Variants in CAP2 observed in about 807,000 individuals in gnomAD.
The protein encoded by CAP2 is cyclase associated actin cytoskeleton regulatory protein 2.
CAP2 carries 24 observed loss-of-function variants against 57.7 expected under a neutral mutation model. The observed-to-expected ratio is 0.42, with a 90% CI of 0.30 to 0.58. CAP2 has a LOEUF of 0.58. Ranked by LOEUF, CAP2 falls within the 20% of genes least tolerant of loss-of-function variation. The pLI is 0.22. For synonymous variants in CAP2, 194 were observed against 207.2 expected (o/e 0.94, Z 0.55); for missense variants, 501 against 590.3 (o/e 0.85, Z 1.57).
intron 6 of CAP2, among the ~76,000 whole-genome samples, chr6:17,508,663 C>A (rs1275143978): frequency 2.0e-5 from 3 of 152,114 alleles, no homozygotes; most frequent in Non-Finnish European, 4.4e-5. Context: ...AATGCAGAGG[C>A]ACCTGGGGAC....
intron 9 of CAP2, among the ~76,000 whole-genome samples, chr6:17,542,105 C>A (rs1762917624): frequency 6.6e-6 from 1 of 152,134 alleles, no homozygotes; most frequent in Non-Finnish European, 1.5e-5. Context: ...CCCCCTGCAC[C>A]CCTCCCAGCC....
chr6:17,421,747 C>G (rs1581503655), intron 2 of CAP2, 71 bp downstream of exon 2: 4 of 1,552,978 alleles, frequency 2.6e-6, no homozygotes, highest in East Asian at 2.3e-5. Context: ...TAATTTCACT[C>G]TCAAGGAACA....
intron 7 of CAP2, among the ~76,000 whole-genome samples, chr6:17,532,890 C>A (rs1762680684): frequency 6.6e-6 from 1 of 151,154 alleles, no homozygotes; most frequent in African/African-American, 2.4e-5. Flanking sequence ...ATGGAGAAAC[C>A]CTGTCTCTAC....
chr6:17,408,785 C>T (rs1179773640), intron 1 of CAP2, among the ~76,000 whole-genome samples: 11 of 151,144 alleles, frequency 7.3e-5, no homozygotes, highest in African/African-American at 2.2e-4. Flanking sequence ...CTCAGCCTCC[C>T]GAGTAGCTCG....
At chr6:17,452,379 G>A (rs1338020398) in intron 3 of CAP2, among the ~76,000 whole-genome samples, 1 of 152,162 alleles carries the variant, frequency 6.6e-6, no homozygotes, top group Non-Finnish European at 1.5e-5. Flanking sequence ...TTTGTCGATG[G>A]CACTTCTGGC....
At chr6:17,517,089 G>A (rs997226774) in intron 7 of CAP2, among the ~76,000 whole-genome samples, 1 of 152,212 alleles carries the variant, frequency 6.6e-6, no homozygotes, top group African/African-American at 2.4e-5. Flanking sequence ...CAATGAGATA[G>A]TGTTTTGTTG....
chr6:17,424,168 C>A (rs1008469790), intron 2 of CAP2, among the ~76,000 whole-genome samples: 2 of 151,922 alleles, frequency 1.3e-5, no homozygotes, highest in South Asian at 4.2e-4. Context: ...TGGGAGGCCG[C>A]GGCGAGCCGA....
chr6:17,427,425 A>G (rs1483365245), intron 3 of CAP2, among the ~76,000 whole-genome samples: 5 of 152,056 alleles, frequency 3.3e-5, no homozygotes, highest in African/African-American at 7.2e-5. Context: ...GTCACCAGCC[A>G]CCCTTCTTCT....
chr6:17,482,349 A>G (rs1265968164), intron 4 of CAP2, among the ~76,000 whole-genome samples: 4 of 152,070 alleles, frequency 2.6e-5, no homozygotes, highest in African/African-American at 9.7e-5. Context: ...CTCTACTAAA[A>G]ATACAAAAAA....
intron 7 of CAP2, among the ~76,000 whole-genome samples, chr6:17,530,512 A>C (rs1762615179): frequency 1.3e-5 from 2 of 152,156 alleles, no homozygotes; most frequent in Non-Finnish European, 2.9e-5. Flanking sequence ...GTTAAAGAGA[A>C]TCTAACTGAC....
At chr6:17,394,199 C>T (rs1221850337) in intron 1 of CAP2, among the ~76,000 whole-genome samples, 1 of 151,904 alleles carries the variant, frequency 6.6e-6, no homozygotes, top group Non-Finnish European at 1.5e-5. Context: ...CGGCTCTGAC[C>T]AGAGCCACCT....
chr6:17,463,029 C>A lies in CAP2; in HGVS notation c.256C>A (p.Arg86=), dbSNP rs753057191. The A allele has an allele frequency of 3.1e-6, 5 of 1,613,932 alleles. No homozygotes were observed. The change falls in exon 4 of 13, where the codon CGG becomes AGG. Residue 86 remains arginine (R), a synonymous_variant. Transcript: ENST00000229922. Reference sequence around the variant, plus strand: ...GGTGCACAGTGCTTTCCAGGCCCAGCGGGCTTTCCTTCTGATGGCCTCTCA... The same window carrying A: ...GGTGCACAGTGCTTTCCAGGCCCAGAGGGCTTTCCTTCTGATGGCCTCTCA... ...EMVHSAFQAQ[R]AFLLMASQYQ...
chr6:17,487,714 A>C (rs907177327), intron 4 of CAP2, among the ~76,000 whole-genome samples: 17 of 152,002 alleles, frequency 1.1e-4, no homozygotes, highest in African/African-American at 3.9e-4. Context: ...CAGGTGATCC[A>C]CCCACCTTGG....
At chr6:17,395,336 A>T (rs563382527) in intron 1 of CAP2, among the ~76,000 whole-genome samples, 3 of 152,354 alleles carry the variant, frequency 2.0e-5, no homozygotes, top group Admixed American at 6.5e-5. Flanking sequence ...AAGGAATGGT[A>T]TGTTTGTGTT....
intron 7 of CAP2, among the ~76,000 whole-genome samples, chr6:17,519,156 C>A (rs141220598): frequency 6.6e-6 from 1 of 152,118 alleles, no homozygotes; most frequent in South Asian, 2.1e-4. Flanking sequence ...TCCAAGGGCA[C>A]GTGGCTCTAC....
chr6:17,482,404 G>A (rs1761311776), intron 4 of CAP2, among the ~76,000 whole-genome samples: 1 of 151,116 alleles, frequency 6.6e-6, no homozygotes, highest in African/African-American at 2.4e-5. Context: ...AGCTACTCGG[G>A]AGGCTGAGGC....
intron 11 of CAP2, among the ~76,000 whole-genome samples, chr6:17,544,390 AAAAC>A (rs1296123716): frequency 6.6e-6 from 1 of 152,210 alleles, no homozygotes; most frequent in African/African-American, 2.4e-5. Context: ...GATCATCAGA[AAAAC>A]AACTTGAGAA....
At chr6:17,539,496 T>A (rs1469734810) in intron 8 of CAP2, 38 bp downstream of exon 8, 3 of 1,520,852 alleles carry the variant, frequency 2.0e-6, no homozygotes, top group Non-Finnish European at 2.7e-6. Context: ...TGCCTCCCTT[T>A]CCCTCTGGCT....
rs1758968188 is a variant in CAP2, at chr6:17,406,364, G to A, written c.-2+12618G>A. The stretch of plus-strand genomic sequence containing the variant: ...TACTCTGTGGACCACAAGGTCCCCT[G>A]TTCCCCTACTTTTCTGTCAGTAAGC... On this transcript the variant is annotated intron_variant, in intron 1 of 12. Transcript: ENST00000229922. Among the ~76,000 whole-genome samples, 3 of 143,664 alleles carry A rather than the reference G, an allele frequency of 2.1e-5. 1 individual carries two copies. The highest frequency in any genetic ancestry group is 8.1e-5 in the African/African-American group (3 of 36,810). 94.2% of individuals were successfully genotyped at this position (143,664 alleles called of 152,430 possible).
Sources: allele counts gnomAD v4.1 joint callset (sites outside exome capture counted in the v4.1 genomes callset), GRCh38; gene constraint gnomAD v4.1.1; transcripts MANE v1.5; gene names NCBI Gene and HGNC (gene_info 2026-07-23, HGNC 2026-07-21).